The following FAM81A variants were observed in gnomAD, a reference collection of about 807,000 sequenced individuals.
FAM81A encodes protein FAM81A.
A neutral mutation model predicts 46.7 loss-of-function variants in FAM81A; 19 were observed. The ratio of observed to expected loss-of-function variants is 0.41; its 90% CI spans 0.28 to 0.60. The LOEUF is 0.60. Among genes scored for constraint, FAM81A ranks in the 20% least tolerant of loss-of-function variants. FAM81A has a pLI of 0.34. For synonymous variants in FAM81A, 183 were observed against 152.9 expected, an observed-to-expected ratio of 1.20 and a Z score of -1.45; for missense variants, 377 against 453.5, an observed-to-expected ratio of 0.83 and a Z score of 1.53.
At chr15:59,494,561 T>G (rs978105722) in intron 4 of FAM81A, among the ~76,000 whole-genome samples, 1 of 152,226 alleles carries the variant, frequency 6.6e-6, no homozygotes, top group Non-Finnish European at 1.5e-5. Flanking sequence ...ACTTGTTGCT[T>G]CCCTGTAACA....
chr15:59,428,936 A>C (rs8024835), intron 2 of FAM81A, among the ~76,000 whole-genome samples: 30,113 of 151,208 alleles, frequency 0.2, 3,213 homozygotes, highest in Middle Eastern at 0.26. Context: ...CTTCCCATCT[A>C]CTCCTTTTTG....
At chr15:59,478,068 G>C (rs914023744) in intron 3 of FAM81A, among the ~76,000 whole-genome samples, 1 of 152,204 alleles carries the variant, frequency 6.6e-6, no homozygotes, top group Non-Finnish European at 1.5e-5. Flanking sequence ...TGAGCAGTCC[G>C]TGGTCCTTTT....
chr15:59,501,788 A>G (rs1323919535), intron 4 of FAM81A, among the ~76,000 whole-genome samples: 4 of 152,230 alleles, frequency 2.6e-5, no homozygotes, highest in South Asian at 4.1e-4. Context: ...GAATGAGTAC[A>G]TTATTGTTCA....
intron 1 of FAM81A, among the ~76,000 whole-genome samples, chr15:59,456,622 C>G (rs1399385326): frequency 6.6e-6 from 1 of 152,132 alleles, no homozygotes; most frequent in African/African-American, 2.4e-5. Flanking sequence ...ATTGCCCAGG[C>G]TGGAGTGCAG....
chr15:59,422,648 T>C (rs1287467116), intron 2 of FAM81A, among the ~76,000 whole-genome samples: 1 of 152,012 alleles, frequency 6.6e-6, no homozygotes. Flanking sequence ...AGCTAATTTT[T>C]TGGAATTTTA....
In FAM81A at chr15:59,506,319, A is replaced by G. The variant is rs2082148294; in HGVS notation, c.414-894A>G. ...GAAGATGAAGAAGTCATAGGCATGG[A>G]TTGAAGGAGAGTTGGTGCAGTAGCA... is the stretch of plus-strand genomic sequence containing the variant. On this transcript the variant is annotated intron_variant, in intron 4 of 8. Coordinates refer to ENST00000288228, the MANE Select transcript of FAM81A (RefSeq NM_152450.3). Among the ~76,000 whole-genome samples, 6 of 152,054 alleles carry G rather than the reference A, an allele frequency of 3.9e-5. No homozygotes were observed. The South Asian group carries it at 1.2e-3, about 32-fold the overall frequency.
chr15:59,483,866 T>G (rs1375372045), intron 3 of FAM81A, among the ~76,000 whole-genome samples: 16 of 152,156 alleles, frequency 1.1e-4, no homozygotes, highest in Admixed American at 1.0e-3. Flanking sequence ...TCGCACCCTA[T>G]AACTAAGCCA....
chr15:59,467,156 G>A (rs565361099), intron 3 of FAM81A, among the ~76,000 whole-genome samples: 40 of 152,258 alleles, frequency 2.6e-4, no homozygotes, highest in African/African-American at 9.4e-4. Flanking sequence ...TTCCAGCTTT[G>A]TTCTTTTTGC....
intron 3 of FAM81A, among the ~76,000 whole-genome samples, chr15:59,469,731 A>C (rs1225164337): frequency 6.6e-6 from 1 of 152,080 alleles, no homozygotes; most frequent in Non-Finnish European, 1.5e-5. Context: ...GGTTAAGATT[A>C]TTATGTGTGA....
chr15:59,416,182 G>A (rs1232185070), intron 2 of FAM81A, among the ~76,000 whole-genome samples: 2 of 152,220 alleles, frequency 1.3e-5, no homozygotes, highest in African/African-American at 2.4e-5. Flanking sequence ...ATCCCAGAAA[G>A]CACAAGTGAA....
At chr15:59,427,937 G>A (rs2081202333) in intron 2 of FAM81A, among the ~76,000 whole-genome samples, 1 of 152,184 alleles carries the variant, frequency 6.6e-6, no homozygotes, top group Admixed American at 6.5e-5. Context: ...TGAAACTGCT[G>A]GGTCATATGA....
At chr15:59,431,111 C>T (rs1224888647) in intron 2 of FAM81A, among the ~76,000 whole-genome samples, 1 of 152,180 alleles carries the variant, frequency 6.6e-6, no homozygotes, top group Non-Finnish European at 1.5e-5. Flanking sequence ...CTTCATTTTA[C>T]AGGTGAGGGC....
intron 3 of FAM81A, among the ~76,000 whole-genome samples, chr15:59,461,867 A>G (rs1311339117): frequency 6.6e-6 from 1 of 152,102 alleles, no homozygotes; most frequent in African/African-American, 2.4e-5. Context: ...AATTACTAGG[A>G]GTAGAATTGC....
Position 59,521,983 on chromosome 15 carries a change from A to G in FAM81A, c.*605A>G. On this transcript the variant is annotated 3_prime_UTR_variant, in exon 9 of 9. Transcript: ENST00000288228. ...TAATGGAAATAGTTTAAAAATTGCT[A>G]ACTGCCATGTGGATTGCAAATTAAA... The G allele has an allele frequency of 6.6e-6, 1 of 152,644 alleles. No homozygotes were observed. 9.5% of individuals were successfully genotyped at this position (152,644 alleles called of 1,614,324 possible).
chr15:59,429,605 A>G (rs2081210808), intron 2 of FAM81A, among the ~76,000 whole-genome samples: 1 of 152,206 alleles, frequency 6.6e-6, no homozygotes, highest in Non-Finnish European at 1.5e-5. Flanking sequence ...AGTCAAATTG[A>G]TTATGTTAAA....
In FAM81A at chr15:59,410,075, C is replaced by T. The variant is rs145707871; in HGVS notation, c.-78+7717C>T. 4.7e-3 allele frequency among the ~76,000 whole-genome samples: 720 copies of T among 152,064 alleles called. 6 individuals carry two copies. The highest frequency in any genetic ancestry group is 0.016 in the African/African-American group (667 of 41,442). ...CCAAAACTATGGGAGGCTGAGGCGG[C>T]GGATTACGAGGTCAGGAGAGTGAGA... is the stretch of plus-strand genomic sequence containing the variant. On this transcript the variant is annotated intron_variant, in intron 2 of 4. Coordinates refer to the FAM81A transcript ENST00000558348.
chr15:59,520,034 T>C (rs1197779675), intron 8 of FAM81A, among the ~76,000 whole-genome samples: 1 of 152,202 alleles, frequency 6.6e-6, no homozygotes, highest in Non-Finnish European at 1.5e-5. Context: ...CGACCCAGGA[T>C]GGCTTTGAAT....
chr15:59,492,627 C>T (rs747946170), intron 4 of FAM81A, among the ~76,000 whole-genome samples: 1 of 152,124 alleles, frequency 6.6e-6, no homozygotes, highest in Non-Finnish European at 1.5e-5. Context: ...GATGGGAGAA[C>T]TCACTCAGCT....
At chr15:59,400,791 T>C (rs2140461719) in intron 1 of FAM81A, among the ~76,000 whole-genome samples, 1 of 152,328 alleles carries the variant, frequency 6.6e-6, no homozygotes, top group South Asian at 2.1e-4. Flanking sequence ...AAGTCTAAAC[T>C]CCCAGTCTAC....
Sources: gnomAD v4.1 joint callset for allele counts (sites outside exome capture counted in the v4.1 genomes callset) on GRCh38, gnomAD v4.1.1 for gene constraint, MANE v1.5 for transcripts, NCBI Gene and HGNC (gene_info 2026-07-23, HGNC 2026-07-21) for gene names.